The following DCC variants were observed in gnomAD, a reference collection of about 807,000 sequenced individuals.
DCC encodes netrin receptor DCC.
In DCC, 58 loss-of-function variants were observed where a neutral mutation model predicts 172.5. The ratio of observed to expected loss-of-function variants is 0.34; its 90% confidence interval spans 0.27 to 0.42. The LOEUF (loss-of-function observed/expected upper bound fraction) is 0.42, where lower values mean the gene tolerates loss of function less well. Ranked by LOEUF, DCC falls within the 10% of genes least tolerant of loss-of-function variation. DCC has a pLI of 1.00. For synonymous variants in DCC, 709 were observed against 644.5 expected, an observed-to-expected ratio of 1.10 and a Z score of -1.52; for missense variants, 1,740 against 1,791.0, an observed-to-expected ratio of 0.97 and a Z score of 0.51.
At chr18:53,192,338 C>G (rs2144514974) in intron 9 of DCC, among the ~76,000 whole-genome samples, 1 of 152,168 alleles carries the variant, frequency 6.6e-6, no homozygotes, top group East Asian at 1.9e-4. Flanking sequence ...GATATTTTAT[C>G]TTGGGCTCAT....
intron 2 of DCC, among the ~76,000 whole-genome samples, chr18:52,847,460 A>G (rs927869692): frequency 9.8e-5 from 15 of 152,334 alleles, no homozygotes; most frequent in South Asian, 6.2e-4. Context: ...TCATCAGAAC[A>G]AATATATTTC....
At chr18:53,083,648 A>AC (rs1297274745) in intron 7 of DCC, among the ~76,000 whole-genome samples, 1 of 152,172 alleles carries the variant, frequency 6.6e-6, no homozygotes, top group Admixed American at 6.6e-5. Context: ...ACCTACAAAT[A>AC]CAAAAAAAAT....
chr18:53,132,976 C>T (rs1471296238), intron 7 of DCC, among the ~76,000 whole-genome samples: 2 of 152,182 alleles, frequency 1.3e-5, no homozygotes, highest in African/African-American at 4.8e-5. Flanking sequence ...GGATATTTAC[C>T]TAGAGCTATA....
chr18:53,413,093 A>C (rs1007703927), intron 20 of DCC, among the ~76,000 whole-genome samples: 10 of 152,134 alleles, frequency 6.6e-5, no homozygotes, highest in African/African-American at 2.4e-4. Flanking sequence ...TTTCCTGCTG[A>C]TAAAGCATGC....
chr18:52,688,718 A>T (rs1490624268), intron 1 of DCC, among the ~76,000 whole-genome samples: 2 of 152,116 alleles, frequency 1.3e-5, no homozygotes, highest in Non-Finnish European at 2.9e-5. Context: ...TAATATTTTT[A>T]CTATTTTTAT....
chr18:53,144,602 G>A (rs916454488), intron 7 of DCC, among the ~76,000 whole-genome samples: 4 of 152,114 alleles, frequency 2.6e-5, no homozygotes, highest in Non-Finnish European at 4.4e-5. Flanking sequence ...TCCCTCCCAC[G>A]ACACATGGGA....
chr18:53,066,487 GC>G (rs1301366877), intron 7 of DCC, among the ~76,000 whole-genome samples: 1 of 147,662 alleles, frequency 6.8e-6, no homozygotes, highest in Non-Finnish European at 1.5e-5. Flanking sequence ...TAGGGCCTCT[GC>G]TTTTCAAGGC....
At chr18:53,497,691 G>T (rs2046041855) in intron 26 of DCC, among the ~76,000 whole-genome samples, 1 of 152,156 alleles carries the variant, frequency 6.6e-6, no homozygotes, top group Non-Finnish European at 1.5e-5. Flanking sequence ...AGTCTTAAAA[G>T]AAATTTAGTG....
At chr18:52,659,159 T>C (rs1481411833) in intron 1 of DCC, among the ~76,000 whole-genome samples, 1 of 152,178 alleles carries the variant, frequency 6.6e-6, no homozygotes, top group Non-Finnish European at 1.5e-5. Flanking sequence ...CAGAAACAGA[T>C]GGAACTCAGT....
chr18:53,431,480 G>T lies in DCC; in HGVS notation c.3164-3664G>T, dbSNP rs568634337. 7.9e-3 allele frequency among the ~76,000 whole-genome samples: 1,117 copies of T among 141,678 alleles called. 7 individuals are homozygous for T. The highest frequency in any genetic ancestry group is 0.012 in the African/African-American group (482 of 39,214). The allele number at this position is 141,678 out of a possible 152,430, so 92.9% of individuals were successfully genotyped here. On this transcript the variant is annotated intron_variant, in intron 21 of 28. Transcript: ENST00000442544. ...ATAGTACACTTTGTTTTTTGTTGTT[G>T]TTGTTGTTGTTGTTGTTTTTTTACT...
chr18:52,839,234 T>A (rs2038763844), intron 2 of DCC, among the ~76,000 whole-genome samples: 1 of 152,180 alleles, frequency 6.6e-6, no homozygotes, highest in South Asian at 2.1e-4. Context: ...ACACAGAAGT[T>A]TTCTATTAAG....
At chr18:52,356,516 C>A (rs1984370698) in intron 1 of DCC, among the ~76,000 whole-genome samples, 1 of 152,076 alleles carries the variant, frequency 6.6e-6, no homozygotes, top group South Asian at 2.1e-4. Flanking sequence ...TTCCTTTGTT[C>A]TTTGTTCCAG....
intron 5 of DCC, among the ~76,000 whole-genome samples, chr18:52,943,433 G>A (rs2040493590): frequency 6.6e-6 from 1 of 152,188 alleles, no homozygotes; most frequent in Admixed American, 6.5e-5. Context: ...AGTAGAAGGT[G>A]ACATGGCAAG....
At chr18:53,428,411 A>G (rs1351529953) in intron 21 of DCC, among the ~76,000 whole-genome samples, 4 of 43,782 alleles carry the variant, frequency 9.1e-5, no homozygotes, top group African/African-American at 2.5e-4. Context: ...AATATATTAC[A>G]TATATAATAT....
intron 12 of DCC, among the ~76,000 whole-genome samples, chr18:53,300,121 A>G (rs554263779): frequency 1.3e-5 from 2 of 152,234 alleles, no homozygotes; most frequent in Non-Finnish European, 2.9e-5. Context: ...GTATGTAACT[A>G]GATTCCTCTG....
chr18:52,911,493 G>A (rs2039969863), intron 3 of DCC, among the ~76,000 whole-genome samples: 1 of 152,086 alleles, frequency 6.6e-6, no homozygotes, highest in Non-Finnish European at 1.5e-5. Flanking sequence ...GTGAAACCAA[G>A]ATTTGTACTT....
At chr18:52,772,989 A>T (rs1231324105) in intron 2 of DCC, among the ~76,000 whole-genome samples, 1 of 152,178 alleles carries the variant, frequency 6.6e-6, no homozygotes, top group Non-Finnish European at 1.5e-5. Flanking sequence ...ATGGGCATAG[A>T]TCCTTGATGG....
intron 25 of DCC, among the ~76,000 whole-genome samples, chr18:53,473,244 C>T (rs1327439667): frequency 6.6e-6 from 1 of 152,204 alleles, no homozygotes. Flanking sequence ...CTTCCCTCCT[C>T]CAACAGCTTG....
chr18:53,308,167 C>G (rs2057225232), intron 13 of DCC, among the ~76,000 whole-genome samples: 1 of 150,936 alleles, frequency 6.6e-6, no homozygotes, highest in Non-Finnish European at 1.5e-5. Context: ...AGGAAGTTAC[C>G]TAGAAAACTC....
Sources: allele counts gnomAD v4.1 joint callset (sites outside exome capture counted in the v4.1 genomes callset), GRCh38; gene constraint gnomAD v4.1.1; transcripts MANE v1.5; gene names NCBI Gene and HGNC (gene_info 2026-07-23, HGNC 2026-07-21).